Variants in LRRC37A2 observed in about 807,000 individuals in gnomAD.
LRRC37A2 encodes the protein leucine-rich repeat-containing protein 37A2.
Under a neutral mutation model 68.8 loss-of-function variants are expected in LRRC37A2, and 9 were observed. The ratio of observed to expected loss-of-function variants is 0.13; its 90% confidence interval spans 0.08 to 0.23. The LOEUF is 0.23. Among genes scored for constraint, LRRC37A2 ranks in the 10% least tolerant of loss-of-function variants. The pLI is 1.00. For missense variants in LRRC37A2, 168 were observed against 950.4 expected, an observed-to-expected ratio of 0.18 and a Z score of 10.82; for synonymous variants, 63 against 367.6, an observed-to-expected ratio of 0.17 and a Z score of 9.48.
chr17:47,020,342 G>A, the LRRC37A2 span, among the ~76,000 whole-genome samples: 7 of 148,796 alleles, frequency 4.7e-5, no homozygotes, highest in Non-Finnish European at 7.4e-5. Flanking sequence ...CTTAGCATAT[G>A]TAGGAGAGTT....
chr17:46,992,955 C>G, the LRRC37A2 span, among the ~76,000 whole-genome samples: 1 of 150,618 alleles, frequency 6.6e-6, no homozygotes, highest in South Asian at 2.1e-4. Context: ...CAATGTGTAG[C>G]ATGTGACTCC....
the LRRC37A2 span, among the ~76,000 whole-genome samples, chr17:46,944,700 A>C: frequency 8.6e-5 from 13 of 151,630 alleles, no homozygotes; most frequent in Non-Finnish European, 1.3e-4. Flanking sequence ...CCTGGGTTCA[A>C]GCGATTCTCC....
chr17:46,409,522 C>T, the LRRC37A2 span, among the ~76,000 whole-genome samples: 2 of 150,888 alleles, frequency 1.3e-5, no homozygotes, highest in South Asian at 4.3e-4. Context: ...CTCAAGTAAT[C>T]CTCCCACCTT....
the LRRC37A2 span, among the ~76,000 whole-genome samples, chr17:46,973,938 G>A: frequency 6.6e-6 from 1 of 152,170 alleles, no homozygotes; most frequent in Non-Finnish European, 1.5e-5. Context: ...AAAGCTCAAG[G>A]CTTCTTTCCA....
At chr17:46,797,815 A>G in the LRRC37A2 span, among the ~76,000 whole-genome samples, 3 of 152,244 alleles carry the variant, frequency 2.0e-5, no homozygotes, top group Non-Finnish European at 4.4e-5. Flanking sequence ...AACACAATGC[A>G]GAGAGAGAAT....
At chr17:46,737,789 C>G in the LRRC37A2 span, among the ~76,000 whole-genome samples, 1 of 151,860 alleles carries the variant, frequency 6.6e-6, no homozygotes, top group Admixed American at 6.6e-5. Context: ...GTTTCGGATC[C>G]TGGTCTTGAA....
chr17:46,974,943 AC>A, the LRRC37A2 span, among the ~76,000 whole-genome samples: 1 of 147,174 alleles, frequency 6.8e-6, no homozygotes, highest in Non-Finnish European at 1.5e-5. Flanking sequence ...TTATGAAAGT[AC>A]TCTGAAAACT....
At chr17:46,872,888 C>A in the LRRC37A2 span, 574 of 1,231,114 alleles carry the variant, frequency 4.7e-4, no homozygotes, top group African/African-American at 7.9e-3. Flanking sequence ...GGCCACACTG[C>A]CCTTCCTGCC....
the LRRC37A2 span, among the ~76,000 whole-genome samples, chr17:46,999,855 C>T: frequency 0.71 from 105,484 of 149,546 alleles, 37,759 homozygotes; most frequent in Middle Eastern, 0.78. Flanking sequence ...AAAAATTAGC[C>T]GGGTGTGGTG....
At chr17:46,827,676 C>T in the LRRC37A2 span, among the ~76,000 whole-genome samples, 1 of 152,180 alleles carries the variant, frequency 6.6e-6, no homozygotes, top group African/African-American at 2.4e-5. Flanking sequence ...TCCTCCTCAC[C>T]CATCATGTCT....
chr17:46,931,800 TTC>T, the LRRC37A2 span: 1 of 532,066 alleles, frequency 1.9e-6, no homozygotes, highest in Admixed American at 3.1e-5. Flanking sequence ...CTGTCCCCTG[TTC>T]TCTGTCATGC....
chr17:47,017,413 C>A, the LRRC37A2 span: 1 of 1,435,482 alleles, frequency 7.0e-7, no homozygotes. Context: ...TCTCCCCATG[C>A]GCCTACTCTC....
chr17:46,858,981 T>TC, the LRRC37A2 span, among the ~76,000 whole-genome samples: 2 of 150,336 alleles, frequency 1.3e-5, no homozygotes, highest in Admixed American at 6.6e-5. Context: ...ATTTTAGCTT[T>TC]TTTTTTTTTT....
the LRRC37A2 span, among the ~76,000 whole-genome samples, chr17:46,793,265 C>G: frequency 3.2e-5 from 3 of 94,666 alleles, no homozygotes; most frequent in Non-Finnish European, 4.0e-5. Context: ...CAGAGTGAGA[C>G]CCTGTCTAAA....
At chr17:46,779,105 C>CACACACA in the LRRC37A2 span, among the ~76,000 whole-genome samples, 5 of 35,394 alleles carry the variant, frequency 1.4e-4, no homozygotes, top group South Asian at 9.5e-4. Context: ...ACACACACAC[C>CACACACA]CCAGCCCACT....
the LRRC37A2 span, among the ~76,000 whole-genome samples, chr17:46,820,519 G>A: frequency 6.6e-6 from 1 of 152,102 alleles, no homozygotes; most frequent in Non-Finnish European, 1.5e-5. Context: ...GCAAGGCGAA[G>A]AAAAATCGTG....
the LRRC37A2 span, among the ~76,000 whole-genome samples, chr17:46,988,067 G>A: frequency 2.0e-5 from 3 of 152,172 alleles, no homozygotes; most frequent in Admixed American, 1.3e-4. Flanking sequence ...AGCTACTCGG[G>A]AGGCTGAGGT....
chr17:47,004,197 T>C, the LRRC37A2 span, among the ~76,000 whole-genome samples: 1 of 152,222 alleles, frequency 6.6e-6, no homozygotes, highest in African/African-American at 2.4e-5. Context: ...GCATGCGCCT[T>C]TATAGCAGCA....
the LRRC37A2 span, among the ~76,000 whole-genome samples, chr17:46,915,161 C>T: frequency 6.6e-6 from 1 of 152,172 alleles, no homozygotes; most frequent in African/African-American, 2.4e-5. Context: ...ATGGAGTCTA[C>T]AGAGGTCACA....
Sources: gnomAD v4.1 joint callset for allele counts (sites outside exome capture counted in the v4.1 genomes callset) on GRCh38, gnomAD v4.1.1 for gene constraint, MANE v1.5 for transcripts, NCBI Gene and HGNC (gene_info 2026-07-23, HGNC 2026-07-21) for gene names.